Variants in FYB1 observed in about 807,000 individuals in gnomAD.
The protein encoded by FYB1 is FYN binding protein 1, also known as FYN-binding protein 1.
Under a neutral mutation model 94.1 loss-of-function variants are expected in FYB1, and 41 were observed. The ratio of observed to expected loss-of-function variants is 0.44; its 90% CI spans 0.34 to 0.57. The LOEUF is 0.57. FYB1 is among the 20% of genes least tolerant of loss of function. The pLI is 0.02. For synonymous variants in FYB1, 367 were observed against 353.2 expected, an observed-to-expected ratio of 1.04 and a Z score of -0.44; for missense variants, 1,050 against 976.8, an observed-to-expected ratio of 1.07 and a Z score of -1.00.
chr5:39,169,747 TA>T (rs1745078568), intron 2 of FYB1: 2 of 479,608 alleles, frequency 4.2e-6, no homozygotes, highest in South Asian at 3.4e-5. Flanking sequence ...CCATCTTCAT[TA>T]GGTGTTGGGA....
At chr5:39,116,354 G>A (rs754654965) in intron 16 of FYB1, among the ~76,000 whole-genome samples, 2 of 152,148 alleles carry the variant, frequency 1.3e-5, no homozygotes, top group African/African-American at 4.8e-5. Context: ...AATTTAGGTA[G>A]TTAACGATGA....
chr5:39,205,803 A>G (rs757030674), intron 1 of FYB1, among the ~76,000 whole-genome samples: 2 of 152,204 alleles, frequency 1.3e-5, no homozygotes, highest in Non-Finnish European at 2.9e-5. Context: ...CACGTGATCT[A>G]GCATGGTAGT....
intron 1 of FYB1, among the ~76,000 whole-genome samples, chr5:39,268,670 G>A (rs566314939): frequency 2.0e-5 from 3 of 152,008 alleles, no homozygotes; most frequent in African/African-American, 4.8e-5. Context: ...AGGTTCAAGC[G>A]ATTCTGCTCC....
At chr5:39,227,119 A>G (rs1259938862) in intron 1 of FYB1, among the ~76,000 whole-genome samples, 4 of 152,236 alleles carry the variant, frequency 2.6e-5, no homozygotes, top group African/African-American at 9.6e-5. Context: ...AAATTCACAC[A>G]CACTCACATA....
chr5:39,254,149 A>G (rs933029180), intron 1 of FYB1, among the ~76,000 whole-genome samples: 2 of 152,152 alleles, frequency 1.3e-5, no homozygotes, highest in African/African-American at 4.8e-5. Flanking sequence ...AGTTCTGCAA[A>G]GAACACACAC....
At chr5:39,200,919 T>A (rs539778444) in intron 2 of FYB1, among the ~76,000 whole-genome samples, 2 of 152,282 alleles carry the variant, frequency 1.3e-5, no homozygotes, top group Admixed American at 1.3e-4. Flanking sequence ...ATTAATCATC[T>A]CAGGCATGTG....
At chr5:39,169,438 C>T (rs755285748) in intron 2 of FYB1, 7 of 735,460 alleles carry the variant, frequency 9.5e-6, no homozygotes, top group Non-Finnish European at 1.8e-5. Flanking sequence ...AGAACAGGAA[C>T]ATTTCACAGA....
chr5:39,170,044 GC>G, intron 2 of FYB1: 2 of 807,354 alleles, frequency 2.5e-6, no homozygotes, highest in Non-Finnish European at 4.4e-6. Context: ...AGGATGAGAG[GC>G]CTCCACTGGT....
chr5:39,227,932 G>A (rs1481714599), intron 1 of FYB1, among the ~76,000 whole-genome samples: 3 of 152,102 alleles, frequency 2.0e-5, no homozygotes, highest in Non-Finnish European at 4.4e-5. Context: ...CACTGGGGAA[G>A]ACCTTTCACC....
chr5:39,232,558 A>AT (rs1228685335), intron 1 of FYB1, among the ~76,000 whole-genome samples: 6 of 143,112 alleles, frequency 4.2e-5, no homozygotes, highest in South Asian at 2.1e-4. Flanking sequence ...TTTTTTATTT[A>AT]TTTTTTTTGC....
intron 4 of FYB1, among the ~76,000 whole-genome samples, chr5:39,140,849 C>T (rs1742108286): frequency 1.3e-5 from 2 of 152,112 alleles, no homozygotes; most frequent in Non-Finnish European, 2.9e-5. Flanking sequence ...ATACATGTCA[C>T]AATATGTGAA....
chr5:39,271,597 A>G (rs1414281043), intron 1 of FYB1, among the ~76,000 whole-genome samples: 1 of 152,232 alleles, frequency 6.6e-6, no homozygotes, highest in Non-Finnish European at 1.5e-5. Flanking sequence ...AATTAATCCT[A>G]TATCCATACA....
intron 1 of FYB1, among the ~76,000 whole-genome samples, chr5:39,233,737 C>T (rs1338020060): frequency 1.3e-5 from 2 of 152,004 alleles, no homozygotes; most frequent in African/African-American, 4.8e-5. Flanking sequence ...TCTGTTGTGG[C>T]ATATTGTTTT....
chr5:39,124,248 C>T lies in FYB1; in HGVS notation c.2071+5G>A. On this transcript the variant is annotated splice_donor_5th_base_variant and intron_variant, in intron 13 of 18. Transcript: ENST00000512982. ...CAGAACATACAATCAGTTTTTATTA[C>T]TTACCCAATTGTTTAGGAGGAGCAG... 6.4e-7 allele frequency: 1 copy of T among 1,556,620 alleles called. No individual in the cohort carries two copies. Among genetic ancestry groups the T allele is most frequent in the Non-Finnish European group, 8.7e-7 (1 of 1,150,898 alleles).
rs548769511 is a variant in FYB1, at chr5:39,248,198, C to A, written c.-28+26205G>T. On this transcript the variant is annotated intron_variant, in intron 1 of 1. Coordinates refer to the FYB1 transcript ENST00000510188. ...ATTAATTACTCTAATTGACTGATAA[C>A]CATATAAATTAAGCTTCTGACACCA... 9.0e-4 allele frequency among the ~76,000 whole-genome samples: 137 copies of A among 152,208 alleles called. 1 individual carries two copies. The South Asian group carries it at 9.5e-3, about 11-fold the overall frequency.
intron 12 of FYB1, 60 bp downstream of exon 12, chr5:39,125,938 T>G: frequency 6.6e-7 from 1 of 1,507,368 alleles, no homozygotes; most frequent in African/African-American, 1.4e-5. Context: ...ATTAGTAGCA[T>G]TTGATTCAAT....
intron 1 of FYB1, among the ~76,000 whole-genome samples, chr5:39,265,935 A>G (rs1752419678): frequency 6.6e-6 from 1 of 152,078 alleles, no homozygotes; most frequent in African/African-American, 2.4e-5. Flanking sequence ...AAACTGGATG[A>G]AAGGAACAAA....
chr5:39,256,781 C>T (rs759773782), intron 1 of FYB1, among the ~76,000 whole-genome samples: 66 of 152,146 alleles, frequency 4.3e-4, no homozygotes, highest in Non-Finnish European at 7.4e-4. Context: ...AAAAAGTCCA[C>T]CCAGCCTGAA....
At chr5:39,244,748 C>T (rs910995033) in intron 1 of FYB1, among the ~76,000 whole-genome samples, 11 of 152,102 alleles carry the variant, frequency 7.2e-5, no homozygotes, top group Admixed American at 4.6e-4. Context: ...TGGTAGAATT[C>T]GGCTGTGAAT....
Sources: allele counts gnomAD v4.1 joint callset (sites outside exome capture counted in the v4.1 genomes callset), GRCh38; gene constraint gnomAD v4.1.1; transcripts MANE v1.5; gene names NCBI Gene and HGNC (gene_info 2026-07-23, HGNC 2026-07-21).